VPS13B: variants seen among roughly 807,000 people sequenced by gnomAD.
The protein encoded by VPS13B is intermembrane lipid transfer protein VPS13B.
VPS13B carries 285 observed loss-of-function variants against 426.4 expected under a neutral mutation model. The ratio of observed to expected loss-of-function variants is 0.67; its 90% CI spans 0.61 to 0.74. VPS13B has a LOEUF of 0.74. Among genes scored for constraint, VPS13B ranks in the 30% least tolerant of loss-of-function variants. VPS13B has a pLI of 0.00. For synonymous variants in VPS13B, 1,676 were observed against 1,676.4 expected (o/e 1.00, Z 0.01); for missense variants, 4,537 against 4,782.6 (o/e 0.95, Z 1.51).
At chr8:99,568,969 G>A (rs972064115) in intron 31 of VPS13B, among the ~76,000 whole-genome samples, 4 of 151,788 alleles carry the variant, frequency 2.6e-5, no homozygotes, top group East Asian at 3.9e-4. Context: ...CCGCCACCAC[G>A]CCCGGCTAAT....
chr8:99,556,395 G>A (rs767457198), intron 30 of VPS13B, 55 bp from the exon 31 acceptor site: 13 of 1,553,044 alleles, frequency 8.4e-6, no homozygotes, highest in Non-Finnish European at 1.1e-5. Flanking sequence ...AACATAGAAT[G>A]GTTATTTTAT....
In VPS13B at chr8:99,256,540, C is replaced by T. The variant is rs1817752660; in HGVS notation, c.2516-17658C>T. On this transcript the variant is annotated intron_variant, in intron 17 of 61. Coordinates refer to ENST00000357162, the MANE Select transcript of VPS13B (RefSeq NM_152564.5). ...ACAAGGGTTCCGATTACTCCACATC[C>T]TGGATATCATCTGTTATTATTATTA... Among the ~76,000 whole-genome samples the T allele has an allele frequency of 2.0e-5, 3 of 152,240 alleles. No homozygotes were observed. The South Asian group carries it at 6.2e-4, about 32-fold the overall frequency.
chr8:99,418,981 C>CTTGCCACTTT (rs1285634955), intron 21 of VPS13B, among the ~76,000 whole-genome samples: 1 of 152,180 alleles, frequency 6.6e-6, no homozygotes, highest in Non-Finnish European at 1.5e-5. Flanking sequence ...TCGCAAAGGC[C>CTTGCCACTTT]TTGCCACTTT....
intron 30 of VPS13B, among the ~76,000 whole-genome samples, chr8:99,545,957 G>A (rs1823948610): frequency 6.6e-6 from 1 of 151,980 alleles, no homozygotes; most frequent in Admixed American, 6.6e-5. Flanking sequence ...TTTCCTTAAA[G>A]AAACTATCTT....
At chr8:99,219,985 C>A (rs561792472) in intron 17 of VPS13B, among the ~76,000 whole-genome samples, 1 of 152,262 alleles carries the variant, frequency 6.6e-6, no homozygotes, top group South Asian at 2.1e-4. Context: ...GTTTAAAGTC[C>A]ATAAAACTGG....
At chr8:99,401,556 T>C (rs1277084289) in intron 21 of VPS13B, among the ~76,000 whole-genome samples, 1 of 152,116 alleles carries the variant, frequency 6.6e-6, no homozygotes, top group Non-Finnish European at 1.5e-5. Context: ...CCAATGATAG[T>C]CTACTGTATT....
At chr8:99,163,316 C>G (rs558681100) in intron 15 of VPS13B, among the ~76,000 whole-genome samples, 3 of 152,380 alleles carry the variant, frequency 2.0e-5, no homozygotes, top group African/African-American at 7.2e-5. Flanking sequence ...CCACCAGACT[C>G]AGGAGCCCAG....
intron 17 of VPS13B, among the ~76,000 whole-genome samples, chr8:99,222,104 A>C (rs1049366501): frequency 1.1e-4 from 16 of 152,212 alleles, no homozygotes; most frequent in African/African-American, 3.6e-4. Context: ...TCACTGGGAC[A>C]ATTAAGAAGG....
rs386413466 is a variant in VPS13B, at chr8:99,737,106, C to CTTTTTTTTTTTTTTT, written c.7050+16077_7050+16091dup. On this transcript the variant is annotated intron_variant, in intron 39 of 61. Transcript: ENST00000357162. ...CAGGAAAGCCTTTGAAGATGTCCTT[C>CTTTTTTTTTTTTTTT]TTTTTTTTTTTTTTTTTTTTTTTTT... Among the ~76,000 whole-genome samples the CTTTTTTTTTTTTTTT allele has an allele frequency of 1.8e-4, 8 of 44,374 alleles. 2 individuals carry two copies. Among genetic ancestry groups the CTTTTTTTTTTTTTTT allele is most frequent in the African/African-American group, 2.4e-4 (3 of 12,280 alleles). 29.1% of individuals were successfully genotyped at this position (44,374 alleles called of 152,430 possible).
At chr8:99,729,233 C>A (rs1833488481) in intron 39 of VPS13B, among the ~76,000 whole-genome samples, 1 of 152,186 alleles carries the variant, frequency 6.6e-6, no homozygotes, top group African/African-American at 2.4e-5. Context: ...ACTGCTCTTG[C>A]TTTCCACCCT....
In VPS13B at chr8:99,586,916, T is replaced by G. The variant is rs540247562; in HGVS notation, c.5220+9283T>G. On this transcript the variant is annotated intron_variant, in intron 33 of 61. Coordinates refer to ENST00000357162, the MANE Select transcript of VPS13B (RefSeq NM_152564.5). Reference sequence around the variant, plus strand: ...ATATGTATACATGTGCCGTGTTGGTTTGCTGCACGCATTAACTCGTCATTT... The same window carrying G: ...ATATGTATACATGTGCCGTGTTGGTGTGCTGCACGCATTAACTCGTCATTT... Among the ~76,000 whole-genome samples the G allele has an allele frequency of 4.6e-5, 7 of 152,248 alleles. No homozygotes were observed. The South Asian group carries it at 1.5e-3, about 32-fold the overall frequency.
At chr8:99,814,362 A>C (rs947491965) in intron 44 of VPS13B, among the ~76,000 whole-genome samples, 1 of 152,200 alleles carries the variant, frequency 6.6e-6, no homozygotes, top group African/African-American at 2.4e-5. Flanking sequence ...TGTTTCACAT[A>C]ACGAGGAGGA....
intron 25 of VPS13B, among the ~76,000 whole-genome samples, chr8:99,484,967 A>G (rs2133564343): frequency 6.6e-6 from 1 of 152,248 alleles, no homozygotes; most frequent in East Asian, 1.9e-4. Context: ...GAGTACACGC[A>G]AATTTCTATA....
intron 15 of VPS13B, among the ~76,000 whole-genome samples, chr8:99,163,672 A>C (rs1351521671): frequency 6.6e-6 from 1 of 152,206 alleles, no homozygotes; most frequent in Non-Finnish European, 1.5e-5. Context: ...CGGGGCCAGC[A>C]GGGCTGGCTG....
chr8:99,741,866 A>G (rs1197839151), intron 39 of VPS13B, among the ~76,000 whole-genome samples: 3 of 152,218 alleles, frequency 2.0e-5, no homozygotes, highest in Non-Finnish European at 4.4e-5. Context: ...CCCACAAGAG[A>G]AGGCAGGAAA....
intron 28 of VPS13B, 27 bp from the exon 29 acceptor site, chr8:99,511,077 T>A (rs1393831334): frequency 6.2e-7 from 1 of 1,609,364 alleles, no homozygotes; most frequent in African/African-American, 1.3e-5. Context: ...ATGAACTGTG[T>A]ATTGTGATTT....
rs1563752161 is a variant in VPS13B at position 99,478,459 on chromosome 8, T to TG, written c.3667-3140_3667-3139insG. Among the ~76,000 whole-genome samples the TG allele has an allele frequency of 4.9e-3, 608 of 123,854 alleles. 5 individuals are homozygous for TG. Among genetic ancestry groups the TG allele is most frequent in the African/African-American group, 0.018 (573 of 31,854 alleles). The allele number at this position is 123,854 out of a possible 152,430, so 81.3% of individuals were successfully genotyped here. ...GTTTTTTTGTTTTGTTTTTTTTTTTTTTTTTTGTTTTTTGTTTTTTTTTTT... is the reference window on the plus strand; with the variant it reads ...GTTTTTTTGTTTTGTTTTTTTTTTTTGTTTTTTGTTTTTTGTTTTTTTTTTT... On this transcript the variant is annotated intron_variant, in intron 24 of 61. Coordinates refer to ENST00000357162, the MANE Select transcript of VPS13B (RefSeq NM_152564.5).
intron 31 of VPS13B, among the ~76,000 whole-genome samples, chr8:99,563,652 C>T (rs1019055971): frequency 1.3e-4 from 20 of 151,988 alleles, no homozygotes; most frequent in African/African-American, 4.3e-4. Flanking sequence ...GGGAGCATTC[C>T]GAAGAAGGAA....
At chr8:99,293,796 C>T (rs1185535335) in intron 19 of VPS13B, among the ~76,000 whole-genome samples, 115 of 151,884 alleles carry the variant, frequency 7.6e-4, no homozygotes, top group African/African-American at 2.2e-3. Flanking sequence ...AAAATGCTCA[C>T]CATCACTGGC....
Sources: allele counts gnomAD v4.1 joint callset (sites outside exome capture counted in the v4.1 genomes callset), GRCh38; gene constraint gnomAD v4.1.1; transcripts MANE v1.5; gene names NCBI Gene and HGNC (gene_info 2026-07-23, HGNC 2026-07-21).